COL28A1: variants seen among roughly 807,000 people sequenced by gnomAD.
The protein encoded by COL28A1 is collagen type XXVIII alpha 1 chain, also known as collagen alpha-1(XXVIII) chain.
Under a neutral mutation model 150.2 loss-of-function variants are expected in COL28A1, and 161 were observed. The observed-to-expected ratio is 1.07, with a 90% CI of 0.94 to 1.22. The LOEUF (loss-of-function observed/expected upper bound fraction) is 1.22, where lower values mean the gene tolerates loss of function less well. Ranked by LOEUF, COL28A1 falls within the 50% of genes most tolerant of loss-of-function variation. The pLI, the probability that COL28A1 is intolerant of heterozygous loss-of-function variation, is 0.00. For synonymous variants in COL28A1, 552 were observed against 469.7 expected (o/e 1.18, Z -2.26); for missense variants, 1,617 against 1,388.3 (o/e 1.16, Z -2.62).
chr7:7,370,708 GTGAGA>G lies in COL28A1; in HGVS notation c.3066+12_3066+16del. ...ACACCATTTTAAGCTCACAAAGTAAGTGAGACAGTTACTTACTGACTCAGAAATTT... is the reference window on the plus strand; with the variant it reads ...ACACCATTTTAAGCTCACAAAGTAAGCAGTTACTTACTGACTCAGAAATTT... On this transcript the variant is annotated intron_variant, in intron 33 of 34. Coordinates refer to ENST00000399429, the MANE Select transcript of COL28A1 (RefSeq NM_001037763.3). 1.3e-6 allele frequency: 2 copies of G among 1,595,438 alleles called. No individual in the cohort carries two copies. Among genetic ancestry groups the G allele is most frequent in the Non-Finnish European group, 1.7e-6 (2 of 1,167,168 alleles).
chr7:7,527,351 G>A (rs1227089348), intron 3 of COL28A1, among the ~76,000 whole-genome samples: 3 of 152,216 alleles, frequency 2.0e-5, no homozygotes, highest in African/African-American at 7.2e-5. Context: ...GGAATAGGTG[G>A]GTTTTCTGGA....
chr7:7,509,401 C>A (rs1781000782), intron 9 of COL28A1, among the ~76,000 whole-genome samples: 1 of 152,186 alleles, frequency 6.6e-6, no homozygotes. Context: ...ATTAATTTCA[C>A]TTATCTGATT....
In COL28A1 at chr7:7,524,253, C is replaced by T. The variant is rs548467851; in HGVS notation, c.682-4G>A. On this transcript the variant is annotated splice_region_variant and splice_polypyrimidine_tract_variant and intron_variant, in intron 3 of 34. Transcript: ENST00000399429. The stretch of plus-strand genomic sequence containing the variant: ...CCTTCTTTTCAAATAAGATATCCTA[C>T]AAGGGAAAAAAGAATGAAGCATTAA... 36 of 1,356,026 alleles carry T rather than the reference C, an allele frequency of 2.7e-5. No individual in the cohort carries two copies. The highest frequency in any genetic ancestry group is 3.7e-5 in the Non-Finnish European group (35 of 945,452). 84.0% of individuals were successfully genotyped at this position (1,356,026 alleles called of 1,614,324 possible).
chr7:7,452,874 G>C (rs1197068242), intron 17 of COL28A1, among the ~76,000 whole-genome samples: 1 of 152,196 alleles, frequency 6.6e-6, no homozygotes, highest in Non-Finnish European at 1.5e-5. Flanking sequence ...GTTCTAAGGT[G>C]AATAGTCTCA....
At chr7:7,497,082 AAAGGAAGGAAGAAAGGAAGGAAGG>A (rs1417969181) in intron 11 of COL28A1, among the ~76,000 whole-genome samples, 1,978 of 120,642 alleles carry the variant, frequency 0.016, 56 homozygotes, top group African/African-American at 0.055. Context: ...AGGAAGGAAG[AAAGGAAGGAAGAAAGGAAGGAAGG>A]AAGGAAGGAA....
At chr7:7,470,809 T>C (rs1788345727) in intron 15 of COL28A1, among the ~76,000 whole-genome samples, 1 of 127,448 alleles carries the variant, frequency 7.8e-6, no homozygotes, top group Non-Finnish European at 1.6e-5. Flanking sequence ...ATATCCTTTG[T>C]AGGGACATGG....
chr7:7,486,278 G>T (rs1779617949), intron 13 of COL28A1, among the ~76,000 whole-genome samples: 1 of 152,074 alleles, frequency 6.6e-6, no homozygotes, highest in Admixed American at 6.5e-5. Context: ...AATAGATTTT[G>T]TATGTTGATA....
intron 25 of COL28A1, among the ~76,000 whole-genome samples, chr7:7,429,478 G>A (rs1176822189): frequency 1.3e-5 from 2 of 150,968 alleles, no homozygotes; most frequent in African/African-American, 4.9e-5. Context: ...GTGTGTGGGG[G>A]GGGGGATGGT....
intron 25 of COL28A1, among the ~76,000 whole-genome samples, chr7:7,430,261 G>A (rs1457711346): frequency 6.6e-6 from 1 of 152,038 alleles, no homozygotes; most frequent in Non-Finnish European, 1.5e-5. Context: ...TGAGCAGCTG[G>A]GATTATAGGC....
At chr7:7,400,994 GTGT>G in intron 27 of COL28A1, among the ~76,000 whole-genome samples, 1 of 147,744 alleles carries the variant, frequency 6.8e-6, no homozygotes, top group Non-Finnish European at 1.5e-5. Flanking sequence ...GTGTGTGTGT[GTGT>G]GTGTGTGTGT....
chr7:7,484,563 G>C (rs994358532), intron 13 of COL28A1, among the ~76,000 whole-genome samples: 1 of 152,024 alleles, frequency 6.6e-6, no homozygotes. Context: ...AAATAATTTT[G>C]GTAGGATGAA....
intron 15 of COL28A1, among the ~76,000 whole-genome samples, chr7:7,456,362 T>C (rs1244679300): frequency 6.6e-6 from 1 of 152,208 alleles, no homozygotes; most frequent in African/African-American, 2.4e-5. Flanking sequence ...TTATCAATCA[T>C]TTTCTCACAA....
intron 11 of COL28A1, among the ~76,000 whole-genome samples, chr7:7,502,007 G>A (rs1312049524): frequency 6.6e-6 from 1 of 152,150 alleles, no homozygotes. Flanking sequence ...GCAACGCTCT[G>A]CCTCAGCCTC....
At chr7:7,427,155 A>G (rs1320351938) in intron 25 of COL28A1, among the ~76,000 whole-genome samples, 1 of 152,224 alleles carries the variant, frequency 6.6e-6, no homozygotes, top group African/African-American at 2.4e-5. Flanking sequence ...GGACTACTAG[A>G]GTGCAGCTCA....
chr7:7,348,735 C>T, the COL28A1 span, among the ~76,000 whole-genome samples: 3 of 151,800 alleles, frequency 2.0e-5, no homozygotes, highest in African/African-American at 7.3e-5. Flanking sequence ...TTCTAGTAGA[C>T]ATTTGGTGCT....
At chr7:7,473,195 A>G (rs183859684) in intron 15 of COL28A1, among the ~76,000 whole-genome samples, 12 of 152,326 alleles carry the variant, frequency 7.9e-5, no homozygotes, top group Non-Finnish European at 1.5e-4. Flanking sequence ...ATTAAACTAA[A>G]AAGCTTTTTC....
rs550216889 is a variant in COL28A1, at chr7:7,407,331, A to G, written c.2136+10528T>C. Among the ~76,000 whole-genome samples the G allele has an allele frequency of 2.0e-4, 31 of 152,176 alleles. No homozygotes were observed. In the South Asian group the frequency reaches 6.2e-3, roughly 30 times the overall value. On this transcript the variant is annotated intron_variant, in intron 27 of 34. Coordinates refer to ENST00000399429, the MANE Select transcript of COL28A1 (RefSeq NM_001037763.3). ...CAGAAATCATAAAATATACTAGTCC[A>G]CAGAATCAGGAATTCTAATGAATCT...
chr7:7,430,223 T>A (rs2128313254), intron 25 of COL28A1, among the ~76,000 whole-genome samples: 1 of 151,996 alleles, frequency 6.6e-6, no homozygotes, highest in Admixed American at 6.6e-5. Context: ...GCCTCCCGGG[T>A]TCAAGCAATT....
At chr7:7,477,922 G>A (rs905080241) in intron 13 of COL28A1, among the ~76,000 whole-genome samples, 6 of 152,158 alleles carry the variant, frequency 3.9e-5, no homozygotes, top group African/African-American at 1.4e-4. Context: ...TTGACAGGGT[G>A]CTGATTGGTG....
Sources: gnomAD v4.1 joint callset for allele counts (sites outside exome capture counted in the v4.1 genomes callset) on GRCh38, gnomAD v4.1.1 for gene constraint, MANE v1.5 for transcripts, NCBI Gene and HGNC (gene_info 2026-07-23, HGNC 2026-07-21) for gene names.